CDC42SE2: variants seen among roughly 807,000 people sequenced by gnomAD.
The protein encoded by CDC42SE2 is CDC42 small effector 2, also known as CDC42 small effector protein 2.
A neutral mutation model predicts 11.5 loss-of-function variants in CDC42SE2; 3 were observed. That is an observed-to-expected ratio of 0.26 (90% CI 0.12 to 0.67). The LOEUF is 0.67. Among genes scored for constraint, CDC42SE2 ranks in the 30% least tolerant of loss-of-function variants. CDC42SE2 has a pLI of 0.80. For synonymous variants in CDC42SE2, 33 were observed against 34.8 expected (o/e 0.95, Z 0.18); for missense variants, 82 against 106.8 (o/e 0.77, Z 1.02).
chr5:131,262,237 G>A (rs1194786684), upstream of CDC42SE2, among the ~76,000 whole-genome samples: 1 of 150,222 alleles, frequency 6.7e-6, no homozygotes, highest in Non-Finnish European at 1.5e-5. Context: ...ACTCTATCAT[G>A]TTATTCTCAT....
intron 2 of CDC42SE2, among the ~76,000 whole-genome samples, chr5:131,339,363 G>T (rs796716042): frequency 6.6e-6 from 1 of 151,134 alleles, no homozygotes; most frequent in South Asian, 2.1e-4. Flanking sequence ...CAACATGAGA[G>T]AGAGTCAGAC....
At chr5:131,316,333 G>A (rs1561582165) in intron 2 of CDC42SE2, among the ~76,000 whole-genome samples, 189 bp downstream of exon 2, 1 of 152,216 alleles carries the variant, frequency 6.6e-6, no homozygotes, top group Non-Finnish European at 1.5e-5. Context: ...AGTTTGGCTT[G>A]CTTCTTCCAG....
intron 1 of CDC42SE2, among the ~76,000 whole-genome samples, chr5:131,302,308 T>C (rs1020865790): frequency 1.1e-4 from 16 of 152,130 alleles, no homozygotes; most frequent in Non-Finnish European, 2.2e-4. Flanking sequence ...GCCTCCCCAG[T>C]AGCTGGGATT....
At chr5:131,239,798 G>C in the CDC42SE2 span, among the ~76,000 whole-genome samples, 1 of 152,140 alleles carries the variant, frequency 6.6e-6, no homozygotes, top group Non-Finnish European at 1.5e-5. Flanking sequence ...CTTTAAGTCT[G>C]GTTTCTCATT....
chr5:131,394,205 C>CTT lies in CDC42SE2; in HGVS notation c.*3116_*3117dup, dbSNP rs1419233766. 1.3e-5 allele frequency: 2 copies of CTT among 152,294 alleles called. No individual in the cohort carries two copies. The highest frequency in any genetic ancestry group is 4.8e-5 in the African/African-American group (2 of 41,438). The allele number at this position is 152,294 out of a possible 1,614,324, so 9.4% of individuals were successfully genotyped here. A position where few individuals can be genotyped will look rare whatever the true frequency, so the allele number is the denominator to read the frequency against. On this transcript the variant is annotated 3_prime_UTR_variant, in exon 5 of 5. Coordinates refer to ENST00000505065, the MANE Select transcript of CDC42SE2 (RefSeq NM_001375635.1). The stretch of plus-strand genomic sequence containing the variant: ...ACTCAACATTCATTATACTGTTAAT[C>CTT]TTTGCTGAAATATATGCTAACAAAT...
At chr5:131,269,333 A>G (rs544143022) in intron 1 of CDC42SE2, among the ~76,000 whole-genome samples, 2 of 152,288 alleles carry the variant, frequency 1.3e-5, no homozygotes, top group East Asian at 3.9e-4. Flanking sequence ...TATTAGGTTA[A>G]TTTCATATTA....
At chr5:131,346,728 T>G (rs140164959) in intron 2 of CDC42SE2, among the ~76,000 whole-genome samples, 4,760 of 152,178 alleles carry the variant, frequency 0.031, 187 homozygotes, top group African/African-American at 0.093. Flanking sequence ...TCACACTTAC[T>G]CCAAAACTGA....
chr5:131,265,507 G>C (rs10478979), intron 1 of CDC42SE2, among the ~76,000 whole-genome samples: 20,837 of 152,112 alleles, frequency 0.14, 3,416 homozygotes, highest in African/African-American at 0.39. Context: ...TTACTCAACA[G>C]ATATTCATTA....
At position 131,394,313 on chromosome 5, in the gene CDC42SE2, T is replaced by C. The variant is rs1298556684; in HGVS notation, c.*3222T>C. 1.3e-5 allele frequency: 2 copies of C among 152,484 alleles called. No homozygotes were observed. The highest frequency in any genetic ancestry group is 3.8e-4 in the East Asian group (2 of 5,332). 9.4% of individuals were successfully genotyped at this position (152,484 alleles called of 1,614,324 possible). A position where few individuals can be genotyped will look rare whatever the true frequency, so the allele number is the denominator to read the frequency against. On this transcript the variant is annotated 3_prime_UTR_variant, in exon 5 of 5. Transcript: ENST00000505065. ...CTGTAAAAGAGGTACTTTCCCATGATGTAGGCATGAAGTGGTGCCAGTAAG... is the reference window on the plus strand; with the variant it reads ...CTGTAAAAGAGGTACTTTCCCATGACGTAGGCATGAAGTGGTGCCAGTAAG...
the CDC42SE2 span, among the ~76,000 whole-genome samples, chr5:131,238,839 G>C: frequency 6.6e-6 from 1 of 151,814 alleles, no homozygotes; most frequent in African/African-American, 2.4e-5. Context: ...CTATAATTTT[G>C]ATTCTTGTCT....
chr5:131,293,020 C>T (rs938322392), intron 1 of CDC42SE2, among the ~76,000 whole-genome samples: 3 of 150,324 alleles, frequency 2.0e-5, no homozygotes, highest in Admixed American at 6.6e-5. Flanking sequence ...TTTGATAATA[C>T]TACTTGCACA....
At chr5:131,306,475 A>G (rs1015407510) in intron 1 of CDC42SE2, among the ~76,000 whole-genome samples, 4 of 151,980 alleles carry the variant, frequency 2.6e-5, no homozygotes, top group South Asian at 4.1e-4. Flanking sequence ...TTATGCCAGT[A>G]TGTTCTGTAT....
rs140723618 is a variant in CDC42SE2 at position 131,289,065 on chromosome 5, A to G, written c.-455+24899A>G. 4.1e-3 allele frequency among the ~76,000 whole-genome samples: 631 copies of G among 152,322 alleles called. 4 individuals carry two copies. Among genetic ancestry groups the G allele is most frequent in the African/African-American group, 0.013 (547 of 41,574 alleles). ...CTGCTTAATACATTTTAGAGCTGAC[A>G]TTAATGTTTTTCATCATAAGTTTAA... On this transcript the variant is annotated intron_variant, in intron 1 of 4. Coordinates refer to ENST00000505065, the MANE Select transcript of CDC42SE2 (RefSeq NM_001375635.1).
chr5:131,276,894 A>AT (rs1032911448), intron 1 of CDC42SE2, among the ~76,000 whole-genome samples: 5 of 151,704 alleles, frequency 3.3e-5, no homozygotes, highest in African/African-American at 9.7e-5. Flanking sequence ...TGCCCAGCTA[A>AT]TTTTTTTATT....
At chr5:131,312,260 G>T (rs1284787038) in intron 1 of CDC42SE2, among the ~76,000 whole-genome samples, 3 of 152,194 alleles carry the variant, frequency 2.0e-5, no homozygotes, top group East Asian at 1.9e-4. Context: ...CTTCTCGGGG[G>T]TTAGGGGTCA....
intron 2 of CDC42SE2, among the ~76,000 whole-genome samples, chr5:131,345,343 A>C (rs753187988): frequency 1.3e-5 from 2 of 152,126 alleles, no homozygotes; most frequent in Non-Finnish European, 2.9e-5. Context: ...TGGCACAAGA[A>C]CTACGTGACT....
chr5:131,338,103 C>A (rs888574039), intron 2 of CDC42SE2, among the ~76,000 whole-genome samples: 1 of 152,314 alleles, frequency 6.6e-6, no homozygotes, highest in Admixed American at 6.5e-5. Flanking sequence ...GCTCCACCCC[C>A]TTCATGAACA....
At chr5:131,285,010 A>C (rs1324067408) in intron 1 of CDC42SE2, among the ~76,000 whole-genome samples, 1 of 151,772 alleles carries the variant, frequency 6.6e-6, no homozygotes, top group Non-Finnish European at 1.5e-5. Context: ...AACCCAGACC[A>C]GGCACAGTGG....
intron 3 of CDC42SE2, among the ~76,000 whole-genome samples, chr5:131,365,115 C>T (rs113300819): frequency 2.0e-5 from 3 of 152,022 alleles, no homozygotes; most frequent in South Asian, 2.1e-4. Context: ...CATGGTGAAA[C>T]CCTGTCTCTA....
Sources: gnomAD v4.1 joint callset for allele counts (sites outside exome capture counted in the v4.1 genomes callset) on GRCh38, gnomAD v4.1.1 for gene constraint, MANE v1.5 for transcripts, NCBI Gene and HGNC (gene_info 2026-07-23, HGNC 2026-07-21) for gene names.